SLIT3: variants seen among roughly 807,000 people sequenced by gnomAD.
SLIT3 encodes slit guidance ligand 3.
A neutral mutation model predicts 184.0 loss-of-function variants in SLIT3; 68 were observed. That is an observed-to-expected ratio of 0.37 (90% CI 0.30 to 0.45). The LOEUF (loss-of-function observed/expected upper bound fraction) is 0.45. Ranked by LOEUF, SLIT3 falls within the 20% of genes least tolerant of loss-of-function variation. The pLI, the probability that SLIT3 is intolerant of heterozygous loss-of-function variation, is 1.00. For synonymous variants in SLIT3, 831 were observed against 828.6 expected, an observed-to-expected ratio of 1.00 and a Z score of -0.05; for missense variants, 1,707 against 2,026.0, an observed-to-expected ratio of 0.84 and a Z score of 3.02.
chr5:168,870,522 G>T (rs1254534375), intron 5 of SLIT3, among the ~76,000 whole-genome samples: 1 of 152,162 alleles, frequency 6.6e-6, no homozygotes, highest in Admixed American at 6.5e-5. Flanking sequence ...TGAGTCCAGA[G>T]ACCTGGCATT....
At chr5:168,840,645 A>C (rs1485414925) in intron 6 of SLIT3, among the ~76,000 whole-genome samples, 1 of 152,188 alleles carries the variant, frequency 6.6e-6, no homozygotes, top group Non-Finnish European at 1.5e-5. Context: ...ACTTACTTGG[A>C]GAAAACCTAG....
At chr5:169,049,644 C>T (rs576778934) in intron 4 of SLIT3, among the ~76,000 whole-genome samples, 30 of 152,316 alleles carry the variant, frequency 2.0e-4, no homozygotes, top group African/African-American at 7.2e-4. Flanking sequence ...GGGCCCTAGA[C>T]TCCCTGCAGG....
chr5:168,821,341 C>T (rs1757525164), intron 7 of SLIT3, among the ~76,000 whole-genome samples: 1 of 152,206 alleles, frequency 6.6e-6, no homozygotes, highest in Non-Finnish European at 1.5e-5. Flanking sequence ...GAACAGCTCA[C>T]AGGAGCTGGA....
chr5:169,167,208 C>A (rs531616718), intron 4 of SLIT3, among the ~76,000 whole-genome samples: 4 of 149,572 alleles, frequency 2.7e-5, no homozygotes, highest in South Asian at 2.2e-4. Flanking sequence ...ACAAAAAAAA[C>A]CGATGATATT....
chr5:168,929,413 C>T (rs572370159), intron 4 of SLIT3, among the ~76,000 whole-genome samples: 1 of 152,286 alleles, frequency 6.6e-6, no homozygotes, highest in Non-Finnish European at 1.5e-5. Flanking sequence ...TGAGTAGTTG[C>T]TATCATGACC....
chr5:169,195,497 T>G (rs116663870), intron 3 of SLIT3, among the ~76,000 whole-genome samples: 1 of 152,148 alleles, frequency 6.6e-6, no homozygotes, highest in Non-Finnish European at 1.5e-5. Context: ...TAAGATAAGC[T>G]CTAATTCCCT....
At chr5:169,060,815 C>T (rs1341390663) in intron 4 of SLIT3, among the ~76,000 whole-genome samples, 1 of 152,150 alleles carries the variant, frequency 6.6e-6, no homozygotes, top group Non-Finnish European at 1.5e-5. Flanking sequence ...CCACTTGAAG[C>T]TGGGTTTAGA....
chr5:169,017,101 G>C (rs746016971), intron 4 of SLIT3, among the ~76,000 whole-genome samples: 20 of 152,178 alleles, frequency 1.3e-4, no homozygotes, highest in Non-Finnish European at 2.5e-4. Flanking sequence ...TCAGCACTTT[G>C]TGTGACTTGT....
intron 16 of SLIT3, among the ~76,000 whole-genome samples, chr5:168,755,393 C>CTTTCTTTCTTTTCTTTTCT (rs1754865684): frequency 1.0e-4 from 1 of 9,536 alleles, no homozygotes. Context: ...GCCGCCATTT[C>CTTTCTTTCTTTTCTTTTCT]TTTCTTTCTT....
intron 5 of SLIT3, among the ~76,000 whole-genome samples, chr5:168,869,802 T>C (rs745705779): frequency 2.6e-5 from 4 of 152,218 alleles, no homozygotes; most frequent in Non-Finnish European, 5.9e-5. Flanking sequence ...GCTAGGAAGT[T>C]TTCCTGGCAG....
At chr5:168,953,204 G>C (rs1025814024) in intron 4 of SLIT3, among the ~76,000 whole-genome samples, 1 of 152,204 alleles carries the variant, frequency 6.6e-6, no homozygotes, top group Non-Finnish European at 1.5e-5. Flanking sequence ...AGAGATTCTT[G>C]GTCAGTATAA....
chr5:168,856,815 GCGCACGCCTTTGTTCA>G (rs1227432447), intron 5 of SLIT3, among the ~76,000 whole-genome samples: 2 of 151,054 alleles, frequency 1.3e-5, no homozygotes, highest in Non-Finnish European at 2.9e-5. Context: ...GTGCGCGCGC[GCGCACGCCTTTGTTCA>G]GACTGGTTCT....
At chr5:168,690,837 GATC>G (rs947367779) in intron 29 of SLIT3, among the ~76,000 whole-genome samples, 2 of 152,170 alleles carry the variant, frequency 1.3e-5, no homozygotes, top group Non-Finnish European at 2.9e-5. Context: ...CTGGTGATGA[GATC>G]TAGGCTTGTG....
At chr5:168,759,565 G>A (rs1755068619) in intron 16 of SLIT3, among the ~76,000 whole-genome samples, 3 of 152,234 alleles carry the variant, frequency 2.0e-5, no homozygotes, top group Middle Eastern at 3.4e-3. Context: ...CAAAACCCAC[G>A]GCACTGAATA....
intron 4 of SLIT3, among the ~76,000 whole-genome samples, chr5:168,940,315 G>A (rs1762290382): frequency 6.6e-6 from 1 of 152,196 alleles, no homozygotes; most frequent in African/African-American, 2.4e-5. Context: ...AATGCCAGAT[G>A]TCACTAGTTC....
intron 4 of SLIT3, among the ~76,000 whole-genome samples, chr5:168,966,327 C>T (rs949649138): frequency 1.3e-5 from 2 of 150,562 alleles, no homozygotes; most frequent in East Asian, 1.9e-4. Context: ...CTGAGAGGTT[C>T]GCTGGATTTT....
At chr5:168,860,337 A>G (rs1759056726) in intron 5 of SLIT3, among the ~76,000 whole-genome samples, 1 of 152,142 alleles carries the variant, frequency 6.6e-6, no homozygotes, top group African/African-American at 2.4e-5. Flanking sequence ...AGGTGATTAA[A>G]TTGTATCTTT....
At chr5:169,246,446 C>A (rs1299441043) in intron 2 of SLIT3, among the ~76,000 whole-genome samples, 1 of 152,142 alleles carries the variant, frequency 6.6e-6, no homozygotes, top group African/African-American at 2.4e-5. Context: ...AGTTTAGAAG[C>A]CCTGTTTTGC....
Position 168,690,488 on chromosome 5 carries a change from C to G in SLIT3, c.3176+2119G>C, listed in dbSNP as rs1349299558. On this transcript the variant is annotated intron_variant, in intron 29 of 35. Transcript: ENST00000519560. ...CCCCTTCCCGGGCATGCCCAGAGCACTCTGCTTGCCTGGCCTGCTCTGCTT... is the reference window on the plus strand; with the variant it reads ...CCCCTTCCCGGGCATGCCCAGAGCAGTCTGCTTGCCTGGCCTGCTCTGCTT... Among the ~76,000 whole-genome samples, 4 of 152,332 alleles carry G rather than the reference C, an allele frequency of 2.6e-5. No individual in the cohort carries two copies. The East Asian group carries it at 7.7e-4, about 29-fold the overall frequency.
Sources: gnomAD v4.1 joint callset for allele counts (sites outside exome capture counted in the v4.1 genomes callset) on GRCh38, gnomAD v4.1.1 for gene constraint, MANE v1.5 for transcripts, NCBI Gene and HGNC (gene_info 2026-07-23, HGNC 2026-07-21) for gene names.